Variants in AFF3 observed in about 807,000 individuals in gnomAD.
AFF3 encodes the protein ALF transcription elongation factor 3.
Under a neutral mutation model 129.7 loss-of-function variants are expected in AFF3, and 32 were observed. The observed-to-expected ratio is 0.25, with a 90% confidence interval of 0.19 to 0.33. The LOEUF is 0.33. AFF3 is among the 10% of genes least tolerant of loss of function. AFF3 has a pLI of 1.00. For synonymous variants in AFF3, 644 were observed against 635.4 expected, an observed-to-expected ratio of 1.01 and a Z score of -0.20; for missense variants, 1,373 against 1,592.0, an observed-to-expected ratio of 0.86 and a Z score of 2.34.
At chr2:99,686,195 G>A (rs1271525489) in intron 11 of AFF3, among the ~76,000 whole-genome samples, 1 of 151,870 alleles carries the variant, frequency 6.6e-6, no homozygotes, top group Non-Finnish European at 1.5e-5. Flanking sequence ...ATCTAAAAAA[G>A]AAAGCAGACA....
intron 2 of AFF3, among the ~76,000 whole-genome samples, chr2:100,109,210 A>G (rs1434800860): frequency 4.1e-5 from 6 of 146,348 alleles, no homozygotes; most frequent in Non-Finnish European, 7.5e-5. Context: ...AGCCACTATA[A>G]CACTGCTTAG....
intron 7 of AFF3, among the ~76,000 whole-genome samples, chr2:99,912,976 C>T (rs1051051361): frequency 1.3e-5 from 2 of 152,112 alleles, no homozygotes; most frequent in African/African-American, 2.4e-5. Flanking sequence ...TCCATCTGCG[C>T]CCCAACACAC....
At chr2:99,958,087 G>A (rs1676837682) in intron 7 of AFF3, among the ~76,000 whole-genome samples, 1 of 152,186 alleles carries the variant, frequency 6.6e-6, no homozygotes, top group East Asian at 1.9e-4. Flanking sequence ...CCTACAAGAG[G>A]GACACGATCC....
At chr2:99,562,225 A>T (rs1053031945) in intron 20 of AFF3, among the ~76,000 whole-genome samples, 3 of 152,182 alleles carry the variant, frequency 2.0e-5, no homozygotes, top group Admixed American at 6.5e-5. Flanking sequence ...GGCAAGTTTC[A>T]GCCATTATTT....
intron 4 of AFF3, among the ~76,000 whole-genome samples, chr2:100,028,902 A>C (rs1223572602): frequency 6.6e-6 from 1 of 152,126 alleles, no homozygotes; most frequent in Non-Finnish European, 1.5e-5. Flanking sequence ...TGATTCAATA[A>C]TCCTCCTTCT....
At chr2:99,923,026 CT>C (rs1464655704) in intron 7 of AFF3, among the ~76,000 whole-genome samples, 1 of 152,172 alleles carries the variant, frequency 6.6e-6, no homozygotes, top group Admixed American at 6.6e-5. Flanking sequence ...ATAAATGTTT[CT>C]GATTTTACAA....
intron 7 of AFF3, among the ~76,000 whole-genome samples, chr2:99,890,570 G>A (rs955049205): frequency 5.9e-5 from 9 of 152,092 alleles, no homozygotes; most frequent in Non-Finnish European, 1.2e-4. Flanking sequence ...CAGGAGCCCC[G>A]GAGCAGGAGG....
chr2:99,726,661 T>TTG (rs1364462467), intron 11 of AFF3, among the ~76,000 whole-genome samples: 4 of 152,236 alleles, frequency 2.6e-5, no homozygotes, highest in Admixed American at 1.3e-4. Context: ...ATATCGATAA[T>TTG]TGTGCTTTTC....
chr2:99,625,861 G>A (rs1682491858), intron 13 of AFF3, among the ~76,000 whole-genome samples: 1 of 152,184 alleles, frequency 6.6e-6, no homozygotes, highest in Non-Finnish European at 1.5e-5. Context: ...TGAAGGGGAT[G>A]AAAGGCAAGC....
chr2:99,975,812 AG>A (rs1678826304), intron 7 of AFF3, among the ~76,000 whole-genome samples: 1 of 147,814 alleles, frequency 6.8e-6, no homozygotes, highest in Non-Finnish European at 1.5e-5. Context: ...GTCTGCATCA[AG>A]AAACATTTCA....
chr2:99,729,607 T>C (rs1245877624), intron 10 of AFF3, among the ~76,000 whole-genome samples: 1 of 152,218 alleles, frequency 6.6e-6, no homozygotes, highest in Non-Finnish European at 1.5e-5. Context: ...ATGAAATTTC[T>C]GAAGTTAACT....
chr2:99,924,452 T>C (rs1264075382), intron 7 of AFF3, among the ~76,000 whole-genome samples: 1 of 152,200 alleles, frequency 6.6e-6, no homozygotes, highest in African/African-American at 2.4e-5. Context: ...AATTCATGTC[T>C]GAAATATATG....
chr2:99,711,510 G>T (rs957545617), intron 11 of AFF3, among the ~76,000 whole-genome samples: 1 of 152,136 alleles, frequency 6.6e-6, no homozygotes, highest in South Asian at 2.1e-4. Flanking sequence ...GCATGCGGGT[G>T]CAAAGAGAAC....
chr2:99,582,859 G>C lies in AFF3; in HGVS notation c.2732C>G (p.Ala911Gly). The C allele has an allele frequency of 6.2e-7, 1 of 1,614,200 alleles. No individual in the cohort carries two copies. Among genetic ancestry groups the C allele is most frequent in the African/African-American group, 1.3e-5 (1 of 75,038 alleles). ...GGCCTTAGGCTTTTTGCTGGAAGAG[G>C]CTGAAGTAAACAAACTGTTGCCATT... ...RPNGNSLFTS[A>G]SSSKKPKADS... The change falls in exon 17 of 25, where the codon GCC becomes GGC. Residue 911 changes from alanine (A) to glycine (G), a missense_variant. Ala to Gly is a moderately conservative substitution (Grantham distance 60). Coordinates refer to ENST00000672756, the MANE Select transcript of AFF3 (RefSeq NM_001386135.1).
chr2:99,738,457 C>A (rs527517835), intron 10 of AFF3, among the ~76,000 whole-genome samples: 164 of 75,274 alleles, frequency 2.2e-3, no homozygotes, highest in Non-Finnish European at 3.9e-3. Context: ...TTTTTCATAC[C>A]AATCTGTTCT....
chr2:99,958,718 G>GCC (rs1676910862), intron 7 of AFF3, among the ~76,000 whole-genome samples: 1 of 151,998 alleles, frequency 6.6e-6, no homozygotes, highest in Non-Finnish European at 1.5e-5. Context: ...ACAGTATTAT[G>GCC]ACCTATGGGT....
At chr2:99,933,768 C>G (rs773441792) in intron 7 of AFF3, among the ~76,000 whole-genome samples, 11 of 152,060 alleles carry the variant, frequency 7.2e-5, no homozygotes, top group Non-Finnish European at 1.5e-4. Context: ...GGATTGGTTC[C>G]AAGTCTTTGC....
chr2:99,712,286 C>T (rs867737925), intron 11 of AFF3, among the ~76,000 whole-genome samples: 31 of 152,360 alleles, frequency 2.0e-4, no homozygotes, highest in African/African-American at 7.5e-4. Flanking sequence ...CTCTTGGCAG[C>T]GTGCACCAGA....
intron 7 of AFF3, among the ~76,000 whole-genome samples, chr2:99,887,015 C>T (rs1395609317): frequency 1.3e-5 from 2 of 152,214 alleles, no homozygotes; most frequent in Non-Finnish European, 2.9e-5. Flanking sequence ...CTTAACTTCC[C>T]TTAATGAGAA....
Sources: gnomAD v4.1 joint callset for allele counts (sites outside exome capture counted in the v4.1 genomes callset) on GRCh38, gnomAD v4.1.1 for gene constraint, MANE v1.5 for transcripts, NCBI Gene and HGNC (gene_info 2026-07-23, HGNC 2026-07-21) for gene names.